The following C12orf54 variants were observed in gnomAD, a reference collection of about 807,000 sequenced individuals.
C12orf54 encodes chromosome 12 open reading frame 54.
In C12orf54, 24 loss-of-function variants were observed where a neutral mutation model predicts 26.4. The observed-to-expected ratio is 0.91, with a 90% CI of 0.66 to 1.28. The LOEUF is 1.28. C12orf54 is among the 50% of genes most tolerant of loss of function. The pLI is 0.00. For missense variants in C12orf54, 154 were observed against 150.9 expected, an observed-to-expected ratio of 1.02 and a Z score of -0.11; for synonymous variants, 54 against 47.0, an observed-to-expected ratio of 1.15 and a Z score of -0.61.
Position 48,493,062 on chromosome 12 carries a change from A to C in C12orf54, c.242+67A>C, listed in dbSNP as rs76594215. The C allele has an allele frequency of 2.3e-5, 33 of 1,411,642 alleles. No homozygotes were observed. The African/African-American group carries it at 3.8e-4, about 16-fold the overall frequency. The allele number at this position is 1,411,642 out of a possible 1,614,324, so 87.4% of individuals were successfully genotyped here. A position where few individuals can be genotyped will look rare whatever the true frequency, so the allele number is the denominator to read the frequency against. The stretch of plus-strand genomic sequence containing the variant: ...CCACCTGGATATGGGTGTGCTGGCC[A>C]TGAATATAGCTAGCTCTGAGCCTTG... On this transcript the variant is annotated intron_variant, in intron 7 of 8. Coordinates refer to ENST00000548364, the MANE Select transcript of C12orf54 (RefSeq NM_152319.4).
At chr12:48,437,443 A>C in the C12orf54 span, among the ~76,000 whole-genome samples, 2 of 152,202 alleles carry the variant, frequency 1.3e-5, no homozygotes, top group Admixed American at 6.5e-5. Context: ...GCAGAGACAC[A>C]ACAAAAAAAG....
intron 1 of C12orf54, among the ~76,000 whole-genome samples, 175 bp from the exon 2 acceptor site, chr12:48,483,065 T>C (rs998705449): frequency 2.6e-5 from 4 of 152,150 alleles, no homozygotes; most frequent in Non-Finnish European, 5.9e-5. Context: ...CTTATGCATA[T>C]GTACATGCAT....
the C12orf54 span, among the ~76,000 whole-genome samples, chr12:48,429,444 C>G: frequency 3.9e-5 from 6 of 151,900 alleles, no homozygotes; most frequent in Admixed American, 6.6e-5. Context: ...GAAGGCTCCT[C>G]AAACTGATAA....
chr12:48,472,769 A>G, the C12orf54 span: 12 of 1,614,214 alleles, frequency 7.4e-6, no homozygotes, highest in Non-Finnish European at 1.0e-5. Context: ...GCAAATTGGA[A>G]GGCCTCACAG....
At chr12:48,487,988 C>G (rs1325211001) in intron 4 of C12orf54, 3 of 811,110 alleles carry the variant, frequency 3.7e-6, no homozygotes, top group Non-Finnish European at 6.5e-6. Flanking sequence ...TTATGAACTC[C>G]TTTTTAAGGA....
the C12orf54 span, among the ~76,000 whole-genome samples, chr12:48,454,335 G>C: frequency 1.3e-5 from 2 of 151,978 alleles, no homozygotes; most frequent in Non-Finnish European, 2.9e-5. Context: ...TCCTGACGTC[G>C]TGATCTGCCC....
At chr12:48,428,088 A>G in the C12orf54 span, among the ~76,000 whole-genome samples, 1 of 152,162 alleles carries the variant, frequency 6.6e-6, no homozygotes, top group Admixed American at 6.5e-5. Context: ...TCAAAAATGA[A>G]ATCAAGATGG....
At chr12:48,424,447 A>G in the C12orf54 span, among the ~76,000 whole-genome samples, 1 of 152,136 alleles carries the variant, frequency 6.6e-6, no homozygotes. Context: ...AAAATTCACC[A>G]CAAGGCCATC....
the C12orf54 span, among the ~76,000 whole-genome samples, chr12:48,451,928 C>T: frequency 6.6e-6 from 1 of 152,126 alleles, no homozygotes; most frequent in African/African-American, 2.4e-5. Context: ...TTTATAGATT[C>T]AATGCTATTC....
chr12:48,437,695 T>C, the C12orf54 span, among the ~76,000 whole-genome samples: 1 of 152,232 alleles, frequency 6.6e-6, no homozygotes, highest in South Asian at 2.1e-4. Flanking sequence ...TTTGACAAAA[T>C]TCAACAATGC....
chr12:48,453,908 A>G, the C12orf54 span, among the ~76,000 whole-genome samples: 1 of 151,934 alleles, frequency 6.6e-6, no homozygotes, highest in Admixed American at 6.6e-5. Flanking sequence ...TTACTTCTCA[A>G]CCAAACTGAA....
At chr12:48,422,482 T>A in the C12orf54 span, among the ~76,000 whole-genome samples, 1 of 152,166 alleles carries the variant, frequency 6.6e-6, no homozygotes, top group Admixed American at 6.5e-5. Context: ...CTAGAAGAGT[T>A]TTGGAATAAA....
At chr12:48,443,278 T>A in the C12orf54 span, among the ~76,000 whole-genome samples, 1 of 152,056 alleles carries the variant, frequency 6.6e-6, no homozygotes, top group Non-Finnish European at 1.5e-5. Context: ...TAGGGAGAGA[T>A]TGAAGGAAAA....
the C12orf54 span, among the ~76,000 whole-genome samples, chr12:48,413,687 A>C: frequency 1.7e-4 from 26 of 152,210 alleles, no homozygotes; most frequent in African/African-American, 5.5e-4. Context: ...ACTTTTAAGG[A>C]ATGAAAACTT....
At chr12:48,457,672 C>G in the C12orf54 span, among the ~76,000 whole-genome samples, 2 of 152,134 alleles carry the variant, frequency 1.3e-5, no homozygotes, top group South Asian at 2.1e-4. Flanking sequence ...AAGCCTGTCT[C>G]TAATGGGATG....
In C12orf54 at chr12:48,490,041, A is replaced by T. The variant is rs142546034; in HGVS notation, c.169-771A>T. On this transcript the variant is annotated intron_variant, in intron 5 of 8. Transcript: ENST00000548364. The stretch of plus-strand genomic sequence containing the variant: ...TCAGCCAAGAAGGGATTTTTTAAAG[A>T]TCCTTTACACGTACTTAAAGCTTCT... Among the ~76,000 whole-genome samples, 66 of 152,194 alleles carry T rather than the reference A, an allele frequency of 4.3e-4. 1 individual carries two copies. The highest frequency in any genetic ancestry group is 1.5e-3 in the African/African-American group (61 of 41,534).
the C12orf54 span, among the ~76,000 whole-genome samples, chr12:48,416,524 C>T: frequency 6.6e-6 from 1 of 152,106 alleles, no homozygotes; most frequent in Admixed American, 6.5e-5. Context: ...ATTTAATTGC[C>T]ATTGTATCAC....
the C12orf54 span, among the ~76,000 whole-genome samples, chr12:48,464,410 A>G: frequency 6.6e-6 from 1 of 152,178 alleles, no homozygotes; most frequent in Non-Finnish European, 1.5e-5. Context: ...AATACTGCTC[A>G]AAGAAATCAG....
chr12:48,447,122 A>ACTGTCTT, the C12orf54 span, among the ~76,000 whole-genome samples: 2 of 152,054 alleles, frequency 1.3e-5, no homozygotes, highest in Non-Finnish European at 2.9e-5. Flanking sequence ...ATATCACTAC[A>ACTGTCTT]CTGTCTTCTG....
Sources: gnomAD v4.1 joint callset for allele counts (sites outside exome capture counted in the v4.1 genomes callset) on GRCh38, gnomAD v4.1.1 for gene constraint, MANE v1.5 for transcripts, NCBI Gene and HGNC (gene_info 2026-07-23, HGNC 2026-07-21) for gene names.